The following SLC25A25 variants were observed in gnomAD, a reference collection of about 807,000 sequenced individuals.
SLC25A25 encodes solute carrier family 25 member 25.
A neutral mutation model predicts 57.7 loss-of-function variants in SLC25A25; 32 were observed. That is an observed-to-expected ratio of 0.55 (90% CI 0.42 to 0.74). The LOEUF is 0.74. Among genes scored for constraint, SLC25A25 ranks in the 30% least tolerant of loss-of-function variants. The probability of loss-of-function intolerance (pLI) is 0.00; values close to 1 mark genes in which losing one functional copy is unlikely to be tolerated. For synonymous variants in SLC25A25, 306 were observed against 291.2 expected (o/e 1.05, Z -0.52); for missense variants, 556 against 701.3 (o/e 0.79, Z 2.34).
At chr9:128,079,923 A>G (rs1302900931) in intron 1 of SLC25A25, among the ~76,000 whole-genome samples, 1 of 152,016 alleles carries the variant, frequency 6.6e-6, no homozygotes, top group Non-Finnish European at 1.5e-5. Flanking sequence ...CCTGGGAAAC[A>G]GAGGTTGCAG....
Position 128,106,533 on chromosome 9 carries a change from C to A in SLC25A25, c.1212+13C>A. 3 of 1,581,864 alleles carry A rather than the reference C, an allele frequency of 1.9e-6. No individual in the cohort carries two copies. The South Asian group carries it at 3.4e-5, about 18-fold the overall frequency. ...TGCAGTCTACGAGGTGAGGCCCAAG[C>A]TGGACAGATTTAGAAACCTCCTCCC... On this transcript the variant is annotated intron_variant, in intron 9 of 10. Transcript: ENST00000373069.
At position 128,101,957 on chromosome 9, in the gene SLC25A25, G is replaced by A. The variant is rs1833815736; in HGVS notation, c.477-123G>A. The A allele has an allele frequency of 4.5e-6, 5 of 1,104,070 alleles. No homozygotes were observed. The highest frequency in any genetic ancestry group is 5.1e-5 in the East Asian group (2 of 38,836). The allele number at this position is 1,104,070 out of a possible 1,614,324, so 68.4% of individuals were successfully genotyped here. A position where few individuals can be genotyped will look rare whatever the true frequency, so the allele number is the denominator to read the frequency against. On this transcript the variant is annotated intron_variant, in intron 3 of 10. Transcript: ENST00000373069. The surrounding 1 kb of genome is among the most constrained non-coding windows in gnomAD (Gnocchi z 4.9). The stretch of plus-strand genomic sequence containing the variant: ...CAGCCCTGGGCTCAGCTGCTGTGGC[G>A]GGCTCGTCTCGTGCCGTGCTGTGCC...
chr9:128,080,241 A>C (rs903456644), intron 1 of SLC25A25, among the ~76,000 whole-genome samples: 1 of 55,768 alleles, frequency 1.8e-5, no homozygotes. Flanking sequence ...AAAAAAAAAA[A>C]CAAAAAAACA....
At position 128,101,991 on chromosome 9, in the gene SLC25A25, T is replaced by C; in HGVS notation, c.477-89T>C. On this transcript the variant is annotated intron_variant, in intron 3 of 10. Transcript: ENST00000373069. The surrounding 1 kb of genome is among the most constrained non-coding windows in gnomAD (Gnocchi z 4.9). ...TCGTGCCGTGCTGTGCCCCTGTCTC[T>C]GGGTGTGTGCTTGCTTCACTAACAT... is the stretch of plus-strand genomic sequence containing the variant. 6.9e-7 allele frequency: 1 copy of C among 1,459,556 alleles called. No homozygotes were observed. Among genetic ancestry groups the C allele is most frequent in the Non-Finnish European group, 9.4e-7 (1 of 1,065,672 alleles). The allele number at this position is 1,459,556 out of a possible 1,614,324, so 90.4% of individuals were successfully genotyped here. A position where few individuals can be genotyped will look rare whatever the true frequency, so the allele number is the denominator to read the frequency against.
rs1309220734 is a variant in SLC25A25, at chr9:128,101,335, C to T, written c.415C>T (p.Gln139Ter). 1 of 1,614,270 alleles carries T rather than the reference C, an allele frequency of 6.2e-7. No individual in the cohort carries two copies. Among genetic ancestry groups the T allele is most frequent in the East Asian group, 2.2e-5 (1 of 44,884 alleles). ...DGRIDAQEIM[Q>*]SLRDLGVKIS... ...ACGCATTGACGCGCAGGAGATCATG[C>T]AGTCCCTGCGGGACTTGGGAGTCAA... is the stretch of plus-strand genomic sequence containing the variant. The change falls in exon 3 of 11, where the codon CAG (glutamine) becomes TAG (stop). Residue 139 changes from glutamine to a stop codon, truncating the protein, a stop_gained. Transcript: ENST00000373069. LOFTEE classifies it high-confidence loss of function. This position sits in a 1 kb window ranked among gnomAD's most constrained non-coding sequence, Gnocchi z 4.9.
chr9:128,076,805 G>A (rs10125866), intron 1 of SLC25A25, among the ~76,000 whole-genome samples: 36,195 of 151,896 alleles, frequency 0.24, 5,500 homozygotes, highest in African/African-American at 0.43. Context: ...ATACTAATGC[G>A]AATTTGGCAG....
intron 1 of SLC25A25, among the ~76,000 whole-genome samples, chr9:128,082,468 A>G (rs1048456671): frequency 1.3e-5 from 2 of 152,054 alleles, no homozygotes. Flanking sequence ...CCGTTGGCTG[A>G]TTGGTTCATT....
intron 1 of SLC25A25, among the ~76,000 whole-genome samples, chr9:128,078,638 G>A (rs115793616): frequency 1.3e-5 from 2 of 152,316 alleles, no homozygotes; most frequent in African/African-American, 4.8e-5. Context: ...CTCAGAAGCC[G>A]TGGATCGTCT....
intron 1 of SLC25A25, among the ~76,000 whole-genome samples, chr9:128,076,483 T>A (rs1308345609): frequency 6.7e-6 from 1 of 149,168 alleles, no homozygotes; most frequent in African/African-American, 2.5e-5. Flanking sequence ...TATTTTTTTT[T>A]GAGACAGAGT....
chr9:128,093,616 C>T (rs578062383), intron 1 of SLC25A25, among the ~76,000 whole-genome samples: 2 of 152,310 alleles, frequency 1.3e-5, no homozygotes, highest in East Asian at 3.9e-4. Context: ...CTGGGGGAGC[C>T]CCAAGTGGGA....
At position 128,101,981 on chromosome 9, in the gene SLC25A25, C is replaced by A; in HGVS notation, c.477-99C>A. ...CGGGCTCGTCTCGTGCCGTGCTGTG[C>A]CCCTGTCTCTGGGTGTGTGCTTGCT... On this transcript the variant is annotated intron_variant, in intron 3 of 10. Coordinates refer to ENST00000373069, the MANE Select transcript of SLC25A25 (RefSeq NM_001330988.2). The surrounding 1 kb of genome is among the most constrained non-coding windows in gnomAD (Gnocchi z 4.9). 7.3e-7 allele frequency: 1 copy of A among 1,377,886 alleles called. No homozygotes were observed. The highest frequency in any genetic ancestry group is 1.0e-6 in the Non-Finnish European group (1 of 995,040). 85.4% of individuals were successfully genotyped at this position (1,377,886 alleles called of 1,614,324 possible).
At position 128,103,896 on chromosome 9, in the gene SLC25A25, TGC is replaced by T; in HGVS notation, c.783+58_783+59del. 3 of 1,474,524 alleles carry T rather than the reference TGC, an allele frequency of 2.0e-6. No individual in the cohort carries two copies. The highest frequency in any genetic ancestry group is 2.7e-6 in the Non-Finnish European group (3 of 1,113,192). 91.3% of individuals were successfully genotyped at this position (1,474,524 alleles called of 1,614,324 possible). Reference sequence around the variant, plus strand: ...GGGCCAGTTTCCACCTGGGGGATGCTGCTTGGCTAGTTTTCCCTTTCTCTGGC... The same window carrying T: ...GGGCCAGTTTCCACCTGGGGGATGCTTTGGCTAGTTTTCCCTTTCTCTGGC... On this transcript the variant is annotated intron_variant, in intron 6 of 10. Transcript: ENST00000373069. This position sits in a 1 kb window ranked among gnomAD's most constrained non-coding sequence, Gnocchi z 6.7.
Position 128,099,391 on chromosome 9 carries a change from C to A in SLC25A25, c.262-1705C>A. On this transcript the variant is annotated intron_variant, in intron 1 of 10. Coordinates refer to ENST00000373069, the MANE Select transcript of SLC25A25 (RefSeq NM_001330988.2). The surrounding 1 kb of genome is among the most constrained non-coding windows in gnomAD (Gnocchi z 6.8). The stretch of plus-strand genomic sequence containing the variant: ...ATGCGTTGAAGCCAGCTGCGGTGAG[C>A]ACACCCTCTGCTCTGGGTGTCTGCG... 1 of 1,185,136 alleles carries A rather than the reference C, an allele frequency of 8.4e-7. No homozygotes were observed. Among genetic ancestry groups the A allele is most frequent in the Non-Finnish European group, 1.1e-6 (1 of 938,194 alleles). 73.4% of individuals were successfully genotyped at this position (1,185,136 alleles called of 1,614,324 possible). A position where few individuals can be genotyped will look rare whatever the true frequency, so the allele number is the denominator to read the frequency against.
intron 1 of SLC25A25, among the ~76,000 whole-genome samples, chr9:128,093,656 G>T (rs1833475553): frequency 6.6e-6 from 1 of 152,240 alleles, no homozygotes; most frequent in South Asian, 2.1e-4. Flanking sequence ...CTTGAAGCCA[G>T]AGAGAAAGCA....
chr9:128,102,748 T>TGCTCCTC lies in SLC25A25; in HGVS notation c.624+268_624+274dup, dbSNP rs922630143. Among the ~76,000 whole-genome samples the TGCTCCTC allele has an allele frequency of 6.6e-6, 1 of 152,222 alleles. No individual in the cohort carries two copies. Among genetic ancestry groups the TGCTCCTC allele is most frequent in the Non-Finnish European group, 1.5e-5 (1 of 68,026 alleles). On this transcript the variant is annotated intron_variant, in intron 5 of 10. Coordinates refer to ENST00000373069, the MANE Select transcript of SLC25A25 (RefSeq NM_001330988.2). The surrounding 1 kb of genome is among the most constrained non-coding windows in gnomAD (Gnocchi z 4.1). ...CCGTCCCCACATGCTCCCTGCTCCC[T>TGCTCCTC]GCTCCTCATGGGCCACTTCAAATAC...
At position 128,099,329 on chromosome 9, in the gene SLC25A25, G is replaced by A; in HGVS notation, c.262-1767G>A. The A allele has an allele frequency of 3.9e-6, 5 of 1,266,976 alleles. No homozygotes were observed. The highest frequency in any genetic ancestry group is 5.1e-6 in the Non-Finnish European group (5 of 979,912). 78.5% of individuals were successfully genotyped at this position (1,266,976 alleles called of 1,614,324 possible). The stretch of plus-strand genomic sequence containing the variant: ...GATCCAAGGAAGGAGACAGAAGGAG[G>A]CCCAGGCCCTGTGAGGCAGAAGCAA... On this transcript the variant is annotated intron_variant, in intron 1 of 10. Coordinates refer to ENST00000373069, the MANE Select transcript of SLC25A25 (RefSeq NM_001330988.2). This position sits in a 1 kb window ranked among gnomAD's most constrained non-coding sequence, Gnocchi z 6.8.
chr9:128,107,649 A>G lies in SLC25A25; in HGVS notation c.*205A>G, dbSNP rs1834108999. 6 of 497,296 alleles carry G rather than the reference A, an allele frequency of 1.2e-5. No individual in the cohort carries two copies. In the East Asian group the frequency reaches 1.3e-4, roughly 11 times the overall value. The allele number at this position is 497,296 out of a possible 1,614,324, so 30.8% of individuals were successfully genotyped here. A position where few individuals can be genotyped will look rare whatever the true frequency, so the allele number is the denominator to read the frequency against. On this transcript the variant is annotated 3_prime_UTR_variant, in exon 11 of 11. Transcript: ENST00000373069. ...CCCAGCAGACCCTCCTGTTGGTTCC[A>G]GCGAAGACCACAGGCATTCCTTAGG...
intron 1 of SLC25A25, among the ~76,000 whole-genome samples, chr9:128,070,780 C>T (rs986256242): frequency 3.3e-5 from 5 of 150,920 alleles, no homozygotes; most frequent in Admixed American, 1.3e-4. Flanking sequence ...GGAGAAAACC[C>T]GTCTCTACTA....
chr9:128,101,508 G>C lies in SLC25A25; in HGVS notation c.476+112G>C. 1 of 1,254,006 alleles carries C rather than the reference G, an allele frequency of 8.0e-7. No individual in the cohort carries two copies. Among genetic ancestry groups the C allele is most frequent in the South Asian group, 1.4e-5 (1 of 72,184 alleles). 77.7% of individuals were successfully genotyped at this position (1,254,006 alleles called of 1,614,324 possible). A position where few individuals can be genotyped will look rare whatever the true frequency, so the allele number is the denominator to read the frequency against. ...TGACCCTGAACTTGGCCTTCTCGTG[G>C]TTTGAAAGGATGAATAAGTAACCCC... On this transcript the variant is annotated intron_variant, in intron 3 of 10. Transcript: ENST00000373069. The surrounding 1 kb of genome is among the most constrained non-coding windows in gnomAD (Gnocchi z 4.9).
Sources: allele counts gnomAD v4.1 joint callset (sites outside exome capture counted in the v4.1 genomes callset), GRCh38; gene constraint gnomAD v4.1.1; non-coding constraint Gnocchi (gnomAD v3.1); transcripts MANE v1.5; gene names NCBI Gene and HGNC (gene_info 2026-07-23, HGNC 2026-07-21).